WBP1L: variants seen among roughly 807,000 people sequenced by gnomAD.
The protein encoded by WBP1L is WW domain binding protein 1 like, also known as WW domain binding protein 1-like.
WBP1L carries 17 observed loss-of-function variants against 33.7 expected under a neutral mutation model. The ratio of observed to expected loss-of-function variants is 0.50; its 90% confidence interval spans 0.34 to 0.76. WBP1L has a LOEUF of 0.76. Ranked by LOEUF, WBP1L falls within the 30% of genes least tolerant of loss-of-function variation. WBP1L has a pLI of 0.01. For missense variants in WBP1L, 389 were observed against 469.4 expected (o/e 0.83, Z 1.58); for synonymous variants, 173 against 190.8 (o/e 0.91, Z 0.77).
intron 1 of WBP1L, among the ~76,000 whole-genome samples, chr10:102,770,390 C>T (rs538286173): frequency 9.2e-5 from 14 of 152,286 alleles, no homozygotes; most frequent in South Asian, 8.3e-4. Context: ...AATGGCCTTA[C>T]GCCTGGAGAT....
chr10:102,810,527 T>A (rs73351820), intron 3 of WBP1L, among the ~76,000 whole-genome samples: 46,601 of 89,766 alleles, frequency 0.52, 12,558 homozygotes, highest in Middle Eastern at 0.61. Context: ...CCTTCCTTCC[T>A]TCCATCCATC....
chr10:102,765,037 A>G (rs192731399), intron 1 of WBP1L, among the ~76,000 whole-genome samples: 15 of 152,286 alleles, frequency 9.8e-5, no homozygotes, highest in African/African-American at 3.6e-4. Flanking sequence ...GAGATGATTG[A>G]AGTGCTTTAA....
At chr10:102,761,831 G>T (rs549182196) in intron 1 of WBP1L, among the ~76,000 whole-genome samples, 1 of 151,870 alleles carries the variant, frequency 6.6e-6, no homozygotes, top group African/African-American at 2.4e-5. Flanking sequence ...TTATAAGTGT[G>T]AGCCACTGTG....
At chr10:102,750,252 A>G (rs1434914519) in intron 1 of WBP1L, among the ~76,000 whole-genome samples, 1 of 151,406 alleles carries the variant, frequency 6.6e-6, no homozygotes, top group East Asian at 2.0e-4. Flanking sequence ...TACCAAAAAT[A>G]GAAAAATTAG....
intron 1 of WBP1L, among the ~76,000 whole-genome samples, chr10:102,752,933 A>G (rs1289957804): frequency 1.3e-5 from 2 of 152,084 alleles, no homozygotes; most frequent in African/African-American, 4.8e-5. Flanking sequence ...TGTTGTTGTC[A>G]TGGGTATCTT....
intron 2 of WBP1L, among the ~76,000 whole-genome samples, chr10:102,805,442 C>CT (rs35567690): frequency 0.095 from 13,735 of 145,088 alleles, 1,040 homozygotes; most frequent in East Asian, 0.41. Context: ...TGCTGGCTAT[C>CT]TTTTTTTTTT....
chr10:102,751,482 A>AT (rs1193671045), intron 1 of WBP1L, among the ~76,000 whole-genome samples: 1 of 147,978 alleles, frequency 6.8e-6, no homozygotes, highest in Admixed American at 6.7e-5. Context: ...TAATTTTTGT[A>AT]TTTTTTGTAG....
chr10:102,757,874 C>T (rs1842995724), intron 1 of WBP1L, among the ~76,000 whole-genome samples: 1 of 44,346 alleles, frequency 2.3e-5, no homozygotes, highest in Admixed American at 2.8e-4. Flanking sequence ...CTGTACCTGC[C>T]CTCCCCCCCC....
intron 1 of WBP1L, among the ~76,000 whole-genome samples, chr10:102,748,243 G>T (rs1040123619): frequency 1.3e-5 from 2 of 151,524 alleles, no homozygotes; most frequent in African/African-American, 4.9e-5. Context: ...GGGCAACAGA[G>T]CGAGACTCCG....
At chr10:102,755,731 A>C (rs1274417161) in intron 1 of WBP1L, among the ~76,000 whole-genome samples, 2 of 151,702 alleles carry the variant, frequency 1.3e-5, no homozygotes, top group Non-Finnish European at 2.9e-5. Context: ...ACACGTGCTC[A>C]TAACAATGTT....
intron 1 of WBP1L, among the ~76,000 whole-genome samples, chr10:102,766,644 C>T (rs1843114967): frequency 6.6e-6 from 1 of 151,194 alleles, no homozygotes; most frequent in Non-Finnish European, 1.5e-5. Context: ...GCCGGCCTGG[C>T]CAACATGGTG....
At position 102,784,980 on chromosome 10, in the gene WBP1L, A is replaced by G. The variant is rs1590181700; in HGVS notation, c.91-13013A>G. Among the ~76,000 whole-genome samples the G allele has an allele frequency of 2.7e-5, 4 of 149,560 alleles. No homozygotes were observed. In the East Asian group the frequency reaches 8.1e-4, roughly 30 times the overall value. On this transcript the variant is annotated intron_variant, in intron 1 of 3. Coordinates refer to ENST00000448841, the MANE Select transcript of WBP1L (RefSeq NM_001083913.2). Reference sequence around the variant, plus strand: ...CAACCTCCGCCTCCAGGTTCAAGTGATTCTTCCGCCTCAGCATCCCAGGTA... The same window carrying G: ...CAACCTCCGCCTCCAGGTTCAAGTGGTTCTTCCGCCTCAGCATCCCAGGTA...
At chr10:102,801,505 G>A (rs1843656682) in intron 2 of WBP1L, among the ~76,000 whole-genome samples, 1 of 152,210 alleles carries the variant, frequency 6.6e-6, no homozygotes, top group Admixed American at 6.5e-5. Flanking sequence ...AAACTGGAGA[G>A]ACAGAATTCT....
intron 1 of WBP1L, among the ~76,000 whole-genome samples, chr10:102,787,872 G>A (rs977069563): frequency 2.0e-5 from 3 of 151,884 alleles, no homozygotes; most frequent in African/African-American, 7.2e-5. Flanking sequence ...GAGGTCAGGC[G>A]TGCGAGACCA....
chr10:102,794,549 A>T (rs561469874), intron 1 of WBP1L, among the ~76,000 whole-genome samples: 2 of 152,170 alleles, frequency 1.3e-5, no homozygotes, highest in East Asian at 3.9e-4. Flanking sequence ...GCCATTGAGT[A>T]ACTTGCCTAA....
chr10:102,781,512 G>A (rs538531460), intron 1 of WBP1L, among the ~76,000 whole-genome samples: 23 of 152,182 alleles, frequency 1.5e-4, no homozygotes, highest in Admixed American at 9.2e-4. Context: ...GCCCCTGCCC[G>A]TTGCTCTGGC....
At chr10:102,783,415 G>T (rs771366322) in intron 1 of WBP1L, among the ~76,000 whole-genome samples, 1 of 152,192 alleles carries the variant, frequency 6.6e-6, no homozygotes, top group Admixed American at 6.5e-5. Flanking sequence ...TTGACTCAGC[G>T]GTCGCTAGGT....
chr10:102,797,710 G>A (rs1383624344), intron 1 of WBP1L, among the ~76,000 whole-genome samples: 1 of 151,878 alleles, frequency 6.6e-6, no homozygotes, highest in Non-Finnish European at 1.5e-5. Flanking sequence ...GCACCACCAC[G>A]CCTGGCTAAT....
intron 1 of WBP1L, among the ~76,000 whole-genome samples, chr10:102,759,639 G>A (rs150114634): frequency 6.6e-6 from 1 of 152,156 alleles, no homozygotes; most frequent in South Asian, 2.1e-4. Context: ...TGCTGTGAAC[G>A]TTGGTGTACA....
Sources: allele counts gnomAD v4.1 joint callset (sites outside exome capture counted in the v4.1 genomes callset), GRCh38; gene constraint gnomAD v4.1.1; transcripts MANE v1.5; gene names NCBI Gene and HGNC (gene_info 2026-07-23, HGNC 2026-07-21).